Variants in ATG2B observed in about 807,000 individuals in gnomAD.
ATG2B encodes the protein autophagy related 2B, also known as autophagy-related protein 2 homolog B.
In ATG2B, 121 loss-of-function variants were observed where a neutral mutation model predicts 241.3. The ratio of observed to expected loss-of-function variants is 0.50; its 90% CI spans 0.43 to 0.58. The LOEUF (loss-of-function observed/expected upper bound fraction) is 0.58, where lower values mean the gene tolerates loss of function less well. Ranked by LOEUF, ATG2B falls within the 20% of genes least tolerant of loss-of-function variation. The probability of loss-of-function intolerance (pLI) is 0.00; values close to 1 mark genes in which losing one functional copy is unlikely to be tolerated. For missense variants in ATG2B, 2,306 were observed against 2,491.6 expected (o/e 0.93, Z 1.59); for synonymous variants, 858 against 876.6 (o/e 0.98, Z 0.37).
At chr14:96,328,317 G>A in intron 14 of ATG2B, 30 bp downstream of exon 14, 1 of 1,498,148 alleles carries the variant, frequency 6.7e-7, no homozygotes, top group Non-Finnish European at 9.1e-7. Context: ...CCATAATTAT[G>A]ATTAGTATTT....
chr14:96,310,141 T>C (rs1375737598), intron 28 of ATG2B, among the ~76,000 whole-genome samples: 8 of 152,182 alleles, frequency 5.3e-5, no homozygotes, highest in Admixed American at 5.2e-4. Context: ...ATCGTGCTTT[T>C]TATATGTGAG....
Position 96,352,792 on chromosome 14 carries a change from G to A in ATG2B, c.163-5451C>T, listed in dbSNP as rs1400305601. Among the ~76,000 whole-genome samples the A allele has an allele frequency of 8.1e-5, 12 of 147,362 alleles. No individual in the cohort carries two copies. The South Asian group carries it at 1.3e-3, about 16-fold the overall frequency. On this transcript the variant is annotated intron_variant, in intron 1 of 41. Coordinates refer to ENST00000359933, the MANE Select transcript of ATG2B (RefSeq NM_018036.7). ...TGTAACCTCAGGTTAACTTATTATTGAAAAAAAAAAGATGTCTTTATTAAT... is the reference window on the plus strand; with the variant it reads ...TGTAACCTCAGGTTAACTTATTATTAAAAAAAAAAAGATGTCTTTATTAAT...
intron 1 of ATG2B, among the ~76,000 whole-genome samples, chr14:96,359,623 C>A (rs1353811620): frequency 6.6e-6 from 1 of 152,138 alleles, no homozygotes; most frequent in Non-Finnish European, 1.5e-5. Context: ...ACTTCCCACC[C>A]CAAATAGAAT....
rs1473341782 is a variant in ATG2B at position 96,317,859 on chromosome 14, T to C, written c.2880-4A>G. On this transcript the variant is annotated splice_polypyrimidine_tract_variant and splice_region_variant and intron_variant, in intron 18 of 41. Coordinates refer to ENST00000359933, the MANE Select transcript of ATG2B (RefSeq NM_018036.7). ...CAGTAGCAAGTCATTAAAGATCCTATAAAGACAAAAGTTGAAAAATAAGTA... is the reference window on the plus strand; with the variant it reads ...CAGTAGCAAGTCATTAAAGATCCTACAAAGACAAAAGTTGAAAAATAAGTA... 1 of 1,584,036 alleles carries C rather than the reference T, an allele frequency of 6.3e-7. No homozygotes were observed. The highest frequency in any genetic ancestry group is 1.8e-5 in the Admixed American group (1 of 56,242).
chr14:96,290,707 T>C lies in ATG2B; in HGVS notation c.5701+107A>G. ...GCAAAGTTTTGTGTATATGAGTACATATGTGAGTTTTCTAGACTAATGGTC... is the reference window on the plus strand; with the variant it reads ...GCAAAGTTTTGTGTATATGAGTACACATGTGAGTTTTCTAGACTAATGGTC... On this transcript the variant is annotated intron_variant, in intron 39 of 41. Coordinates refer to ENST00000359933, the MANE Select transcript of ATG2B (RefSeq NM_018036.7). This position sits in a 1 kb window ranked among gnomAD's most constrained non-coding sequence, Gnocchi z 4.4. The C allele has an allele frequency of 2.6e-6, 4 of 1,542,648 alleles. No individual in the cohort carries two copies. Among genetic ancestry groups the C allele is most frequent in the Non-Finnish European group, 3.5e-6 (4 of 1,137,560 alleles).
intron 28 of ATG2B, among the ~76,000 whole-genome samples, chr14:96,310,019 AC>A (rs2139857472): frequency 6.6e-6 from 1 of 152,290 alleles, no homozygotes; most frequent in African/African-American, 2.4e-5. Flanking sequence ...AGTAGGGGGC[AC>A]ACACAGCAGG....
intron 14 of ATG2B, 132 bp from the exon 15 acceptor site, chr14:96,326,054 T>C (rs761053655): frequency 5.7e-5 from 48 of 840,650 alleles, no homozygotes; most frequent in Non-Finnish European, 7.7e-5. Context: ...TCAATTCAAA[T>C]TAACCACTAC....
intron 15 of ATG2B, among the ~76,000 whole-genome samples, chr14:96,325,266 T>G (rs555866990): frequency 3.3e-5 from 5 of 152,214 alleles, no homozygotes; most frequent in African/African-American, 1.2e-4. Flanking sequence ...ATATGGTGAT[T>G]ATGATGACTA....
chr14:96,343,112 T>C lies in ATG2B; in HGVS notation c.744+7A>G, dbSNP rs776146019. 4 of 1,536,200 alleles carry C rather than the reference T, an allele frequency of 2.6e-6. No homozygotes were observed. Among genetic ancestry groups the C allele is most frequent in the South Asian group, 1.3e-5 (1 of 79,720 alleles). On this transcript the variant is annotated splice_region_variant and intron_variant, in intron 5 of 41. Coordinates refer to ENST00000359933, the MANE Select transcript of ATG2B (RefSeq NM_018036.7). The stretch of plus-strand genomic sequence containing the variant: ...ATTATGGTTTTAGGGTTTTTGTTTT[T>C]TCTTACCACTGGTGCAGTTGAACAC...
In ATG2B at chr14:96,358,595, A is replaced by G. The variant is rs187681102; in HGVS notation, c.162+4220T>C. 5.3e-5 allele frequency among the ~76,000 whole-genome samples: 8 copies of G among 152,312 alleles called. No individual in the cohort carries two copies. In the East Asian group the frequency reaches 1.3e-3, roughly 26 times the overall value. On this transcript the variant is annotated intron_variant, in intron 1 of 41. Coordinates refer to ENST00000359933, the MANE Select transcript of ATG2B (RefSeq NM_018036.7). Reference sequence around the variant, plus strand: ...GCCCAGTCTTATAACCACTTGAGCAAAATCCCATATATCTTGTAGCATAAG... The same window carrying G: ...GCCCAGTCTTATAACCACTTGAGCAGAATCCCATATATCTTGTAGCATAAG...
chr14:96,295,230 C>A, intron 35 of ATG2B, 63 bp from the exon 36 acceptor site: 3 of 1,334,214 alleles, frequency 2.2e-6, no homozygotes, highest in Non-Finnish European at 3.2e-6. Context: ...ACATTTAAAT[C>A]AATCTTGATC....
Position 96,290,688 on chromosome 14 carries a change from T to C in ATG2B, c.5702-98A>G. ...TTAACTCCTAAAACTGGAGGCAAAG[T>C]TTTGTGTATATGAGTACATATGTGA... On this transcript the variant is annotated intron_variant, in intron 39 of 41. Transcript: ENST00000359933. The surrounding 1 kb of genome is among the most constrained non-coding windows in gnomAD (Gnocchi z 4.4). The C allele has an allele frequency of 1.3e-6, 2 of 1,559,302 alleles. No individual in the cohort carries two copies. Among genetic ancestry groups the C allele is most frequent in the South Asian group, 2.4e-5 (2 of 83,758 alleles).
chr14:96,347,535 T>C (rs1326083471), intron 1 of ATG2B, among the ~76,000 whole-genome samples, 194 bp from the exon 2 acceptor site: 1 of 152,098 alleles, frequency 6.6e-6, no homozygotes. Flanking sequence ...ATTAACAAAG[T>C]GAAGGGATAA....
At chr14:96,294,077 T>A (rs990591679) in intron 36 of ATG2B, among the ~76,000 whole-genome samples, 1 of 152,262 alleles carries the variant, frequency 6.6e-6, no homozygotes. Context: ...ATCTTTCCAA[T>A]TATCATATTC....
chr14:96,347,635 G>GA (rs374264673), intron 1 of ATG2B, among the ~76,000 whole-genome samples: 102 of 152,136 alleles, frequency 6.7e-4, no homozygotes, highest in African/African-American at 2.3e-3. Flanking sequence ...AACTCTACAG[G>GA]AAAAAAATCT....
chr14:96,310,634 T>A (rs950069168), intron 28 of ATG2B, among the ~76,000 whole-genome samples: 3 of 152,040 alleles, frequency 2.0e-5, no homozygotes, highest in Non-Finnish European at 2.9e-5. Flanking sequence ...AACCTCTCTA[T>A]CTCACCAGGT....
Position 96,328,380 on chromosome 14 carries a change from G to A in ATG2B, c.2130C>T (p.His710=). The stretch of plus-strand genomic sequence containing the variant: ...TATGTTTATTATATGAAGTATACAT[G>A]TGGGATGCCATCATCTCTACTGTGG... ...KLATVEMMAS[H]MYTSYNKHIS... Residue 710 remains histidine, a synonymous_variant, in exon 14 of 42, where the codon CAC becomes CAT. Transcript: ENST00000359933. 1 of 1,612,912 alleles carries A rather than the reference G, an allele frequency of 6.2e-7. No individual in the cohort carries two copies. The highest frequency in any genetic ancestry group is 8.5e-7 in the Non-Finnish European group (1 of 1,179,572).
At chr14:96,291,160 C>T (rs1021569117) in intron 38 of ATG2B, among the ~76,000 whole-genome samples, 2 of 152,120 alleles carry the variant, frequency 1.3e-5, no homozygotes, top group Admixed American at 6.5e-5. Context: ...CATACACACA[C>T]ACATATATAT....
chr14:96,330,026 A>G (rs112221689), intron 11 of ATG2B, among the ~76,000 whole-genome samples: 1,609 of 150,464 alleles, frequency 0.011, 29 homozygotes, highest in African/African-American at 0.037. Flanking sequence ...CTACTGGCAG[A>G]TGTTTGAAAC....
Sources: gnomAD v4.1 joint callset for allele counts (sites outside exome capture counted in the v4.1 genomes callset) on GRCh38, gnomAD v4.1.1 for gene constraint, Gnocchi (gnomAD v3.1) non-coding constraint, MANE v1.5 for transcripts, NCBI Gene and HGNC (gene_info 2026-07-23, HGNC 2026-07-21) for gene names.